Variants in THEMIS observed in about 807,000 individuals in gnomAD.
The protein encoded by THEMIS is thymocyte selection associated.
Under a neutral mutation model 52.6 loss-of-function variants are expected in THEMIS, and 37 were observed. The ratio of observed to expected loss-of-function variants is 0.70; its 90% confidence interval spans 0.54 to 0.93. The LOEUF (loss-of-function observed/expected upper bound fraction) is 0.93, where lower values mean the gene tolerates loss of function less well. THEMIS is among the 40% of genes least tolerant of loss of function. The pLI, the probability that THEMIS is intolerant of heterozygous loss-of-function variation, is 0.00. For missense variants in THEMIS, 808 were observed against 763.1 expected, an observed-to-expected ratio of 1.06 and a Z score of -0.69; for synonymous variants, 292 against 272.7, an observed-to-expected ratio of 1.07 and a Z score of -0.70.
chr6:127,748,106 G>T (rs1280931447), intron 4 of THEMIS, among the ~76,000 whole-genome samples: 1 of 152,058 alleles, frequency 6.6e-6, no homozygotes, highest in Non-Finnish European at 1.5e-5. Context: ...GGAGCTAATG[G>T]CTGGCAGAAT....
intron 4 of THEMIS, among the ~76,000 whole-genome samples, chr6:127,799,125 G>T (rs1310104903): frequency 6.6e-6 from 1 of 152,094 alleles, no homozygotes; most frequent in Admixed American, 6.5e-5. Context: ...AAGGTAGAAA[G>T]GCTTGAGAAA....
intron 4 of THEMIS, among the ~76,000 whole-genome samples, chr6:127,737,444 G>C (rs967692514): frequency 3.9e-5 from 6 of 152,166 alleles, no homozygotes; most frequent in Admixed American, 1.3e-4. Context: ...GAATGTTTCA[G>C]AGTATTGTGT....
chr6:127,718,407 A>T (rs1774245345), intron 5 of THEMIS, among the ~76,000 whole-genome samples: 1 of 151,906 alleles, frequency 6.6e-6, no homozygotes, highest in Admixed American at 6.6e-5. Flanking sequence ...CGTTCAAAGC[A>T]GGTGCTGCTC....
chr6:127,865,339 G>C (rs1014392676), intron 1 of THEMIS, among the ~76,000 whole-genome samples: 1 of 152,098 alleles, frequency 6.6e-6, no homozygotes, highest in Non-Finnish European at 1.5e-5. Context: ...GGTTTATAAG[G>C]TATCTCTAAG....
At chr6:127,798,612 A>T (rs1777411096) in intron 4 of THEMIS, among the ~76,000 whole-genome samples, 1 of 152,076 alleles carries the variant, frequency 6.6e-6, no homozygotes, top group Non-Finnish European at 1.5e-5. Context: ...ATATGGAAAG[A>T]ATTGAATGAG....
chr6:127,785,145 C>T (rs1301875451), intron 4 of THEMIS, among the ~76,000 whole-genome samples: 1 of 151,818 alleles, frequency 6.6e-6, no homozygotes, highest in Non-Finnish European at 1.5e-5. Flanking sequence ...TATTGTCTAC[C>T]TACCTAATCT....
intron 5 of THEMIS, 122 bp from the exon 6 acceptor site, chr6:127,710,138 G>A (rs1478888767): frequency 2.6e-5 from 14 of 543,552 alleles, no homozygotes; most frequent in South Asian, 6.6e-5. Flanking sequence ...ACGGTTGGAA[G>A]CAAAGCAGAA....
At chr6:127,754,863 TA>T (rs1463708748) in intron 4 of THEMIS, among the ~76,000 whole-genome samples, 1 of 151,718 alleles carries the variant, frequency 6.6e-6, no homozygotes, top group Non-Finnish European at 1.5e-5. Flanking sequence ...AAACTGTCTA[TA>T]AATTATCTAT....
intron 2 of THEMIS, among the ~76,000 whole-genome samples, chr6:127,854,084 C>A (rs1411964334): frequency 6.6e-6 from 1 of 151,788 alleles, no homozygotes; most frequent in Non-Finnish European, 1.5e-5. Context: ...AGCACACACT[C>A]TGTGCCAGAA....
chr6:127,813,038 T>G lies in THEMIS; in HGVS notation c.1603A>C (p.Ile535Leu). 6.2e-7 allele frequency: 1 copy of G among 1,614,100 alleles called. No homozygotes were observed. ...PFLVRTLVEE[I>L]TEEQYYMMRR... The stretch of plus-strand genomic sequence containing the variant: ...ATCATGTAATATTGCTCTTCAGTGA[T>G]CTCTTCTACCAGAGTCCTGACTAGA... The change falls in exon 4 of 6, where the codon ATC becomes CTC. Residue 535 changes from isoleucine (I) to leucine (L), a missense_variant. Transcript: ENST00000368248.
chr6:127,857,094 G>C (rs1779643824), intron 1 of THEMIS, among the ~76,000 whole-genome samples: 1 of 151,040 alleles, frequency 6.6e-6, no homozygotes, highest in Non-Finnish European at 1.5e-5. Flanking sequence ...AACCTACTAT[G>C]TTGGCGATTG....
chr6:127,721,086 A>G (rs1774347005), intron 4 of THEMIS, among the ~76,000 whole-genome samples: 1 of 151,898 alleles, frequency 6.6e-6, no homozygotes, highest in African/African-American at 2.4e-5. Flanking sequence ...CTTAACTTCC[A>G]CTATGCCATG....
intron 4 of THEMIS, among the ~76,000 whole-genome samples, chr6:127,762,438 T>A (rs903959467): frequency 6.6e-6 from 1 of 152,094 alleles, no homozygotes; most frequent in Non-Finnish European, 1.5e-5. Context: ...AAATGAATCC[T>A]CTGTTGGCAT....
At chr6:127,729,727 AT>A (rs1774692218) in intron 4 of THEMIS, among the ~76,000 whole-genome samples, 1 of 152,136 alleles carries the variant, frequency 6.6e-6, no homozygotes, top group Non-Finnish European at 1.5e-5. Context: ...AACAAGAGCA[AT>A]CCGCTTACTG....
At chr6:127,752,803 G>T (rs1012695386) in intron 4 of THEMIS, among the ~76,000 whole-genome samples, 2 of 151,626 alleles carry the variant, frequency 1.3e-5, no homozygotes, top group African/African-American at 2.4e-5. Context: ...TAAAGAGAAA[G>T]AAATATTTTC....
At chr6:127,743,767 T>C (rs1775287980) in intron 4 of THEMIS, among the ~76,000 whole-genome samples, 1 of 152,112 alleles carries the variant, frequency 6.6e-6, no homozygotes, top group East Asian at 1.9e-4. Context: ...GCATCATAAA[T>C]GCGAATCATT....
At chr6:127,903,959 C>T (rs539189617), upstream of THEMIS, among the ~76,000 whole-genome samples, 179 of 152,042 alleles carry the variant, frequency 1.2e-3, no homozygotes, top group African/African-American at 3.8e-3. Flanking sequence ...CATGAGAGGC[C>T]AAGATCCTGT....
rs1562275528 is a variant in THEMIS, at chr6:127,813,898, A to G, written c.743T>C (p.Leu248Pro). ...RKDIIRILPSLDVEVKDITDS... is the reference protein window; with the variant it reads ...RKDIIRILPSPDVEVKDITDS... Reference sequence around the variant, plus strand: ...AGTGATGTCTTTGACTTCGACATCTAGACTGGGGAGGATGCGGATTATATC... The same window carrying G: ...AGTGATGTCTTTGACTTCGACATCTGGACTGGGGAGGATGCGGATTATATC... Residue 248 changes from leucine (L) to proline (P), a missense_variant, in exon 4 of 6, where the codon CTA becomes CCA. Coordinates refer to ENST00000368248, the MANE Select transcript of THEMIS (RefSeq NM_001010923.3). 6.9e-6 allele frequency: 11 copies of G among 1,587,590 alleles called. No homozygotes were observed. The highest frequency in any genetic ancestry group is 9.4e-6 in the Non-Finnish European group (11 of 1,170,746).
intron 1 of THEMIS, among the ~76,000 whole-genome samples, chr6:127,859,890 T>C (rs149022842): frequency 5.3e-4 from 81 of 152,270 alleles, no homozygotes; most frequent in African/African-American, 1.9e-3. Flanking sequence ...CCAGTGGAGA[T>C]GCAACTTTGC....
Sources: gnomAD v4.1 joint callset for allele counts (sites outside exome capture counted in the v4.1 genomes callset) on GRCh38, gnomAD v4.1.1 for gene constraint, MANE v1.5 for transcripts, NCBI Gene and HGNC (gene_info 2026-07-23, HGNC 2026-07-21) for gene names.